Variants in GALNT13 observed in about 807,000 individuals in gnomAD.
GALNT13 encodes polypeptide N-acetylgalactosaminyltransferase 13.
Under a neutral mutation model 64.2 loss-of-function variants are expected in GALNT13, and 28 were observed. The observed-to-expected ratio is 0.44, with a 90% CI of 0.32 to 0.60. GALNT13 has a LOEUF of 0.60. Ranked by LOEUF, GALNT13 falls within the 20% of genes least tolerant of loss-of-function variation. GALNT13 has a pLI of 0.05. For missense variants in GALNT13, 577 were observed against 669.8 expected (o/e 0.86, Z 1.53); for synonymous variants, 214 against 224.6 (o/e 0.95, Z 0.42).
At chr2:154,298,537 T>TAA (rs1229214354) in intron 8 of GALNT13, among the ~76,000 whole-genome samples, 1 of 76,942 alleles carries the variant, frequency 1.3e-5, no homozygotes, top group Non-Finnish European at 2.4e-5. Context: ...AAATTGTATA[T>TAA]ATTTATATAT....
the GALNT13 span, among the ~76,000 whole-genome samples, chr2:153,600,068 C>G: frequency 2.0e-5 from 3 of 151,928 alleles, no homozygotes; most frequent in African/African-American, 7.2e-5. Flanking sequence ...AAACTCTGCC[C>G]TAGTTACTAA....
chr2:154,124,941 G>T (rs1322560963), intron 3 of GALNT13, among the ~76,000 whole-genome samples: 1 of 152,188 alleles, frequency 6.6e-6, no homozygotes, highest in East Asian at 1.9e-4. Flanking sequence ...GAGAGATTTT[G>T]AACATTTAGT....
At chr2:154,183,899 T>A (rs1686104884) in intron 4 of GALNT13, among the ~76,000 whole-genome samples, 2 of 152,098 alleles carry the variant, frequency 1.3e-5, no homozygotes, top group Non-Finnish European at 2.9e-5. Context: ...TTCTAGTTCT[T>A]TGAAATGGAA....
At chr2:153,398,191 C>T in the GALNT13 span, among the ~76,000 whole-genome samples, 26 of 151,366 alleles carry the variant, frequency 1.7e-4, no homozygotes, top group East Asian at 7.8e-4. Flanking sequence ...TTTGTTCTTG[C>T]GATAGTTTAC....
the GALNT13 span, among the ~76,000 whole-genome samples, chr2:153,509,087 G>C: frequency 1.3e-5 from 2 of 152,208 alleles, no homozygotes; most frequent in African/African-American, 4.8e-5. Context: ...TGTGGTTATA[G>C]AAACGTGATT....
At chr2:153,436,123 A>G in the GALNT13 span, among the ~76,000 whole-genome samples, 89 of 152,238 alleles carry the variant, frequency 5.8e-4, no homozygotes, top group South Asian at 1.4e-3. Flanking sequence ...TATATGCTGG[A>G]TTATGTTTAT....
chr2:154,250,272 A>G (rs1275683270), intron 7 of GALNT13, among the ~76,000 whole-genome samples: 2 of 152,202 alleles, frequency 1.3e-5, no homozygotes, highest in East Asian at 3.9e-4. Context: ...AACACCAATG[A>G]GCCATCTCTT....
chr2:153,693,286 A>G, the GALNT13 span, among the ~76,000 whole-genome samples: 1 of 152,214 alleles, frequency 6.6e-6, no homozygotes, highest in South Asian at 2.1e-4. Context: ...GAGAAAAGTC[A>G]TGGCTGCTTC....
chr2:153,085,116 T>C, the GALNT13 span, among the ~76,000 whole-genome samples: 1 of 152,190 alleles, frequency 6.6e-6, no homozygotes, highest in African/African-American at 2.4e-5. Flanking sequence ...ATTTTTTCCC[T>C]GCCCTAGAGT....
At chr2:153,471,912 T>C in the GALNT13 span, among the ~76,000 whole-genome samples, 4 of 152,296 alleles carry the variant, frequency 2.6e-5, no homozygotes, top group South Asian at 6.2e-4. Flanking sequence ...AAACAAAGAA[T>C]TGGGGAATGT....
At chr2:154,204,928 T>C (rs1177283813) in intron 4 of GALNT13, among the ~76,000 whole-genome samples, 1 of 152,214 alleles carries the variant, frequency 6.6e-6, no homozygotes, top group Non-Finnish European at 1.5e-5. Flanking sequence ...CATATGGTAA[T>C]TATTTATTTA....
intron 11 of GALNT13, among the ~76,000 whole-genome samples, chr2:154,419,644 A>G (rs1013601186): frequency 6.6e-6 from 1 of 152,166 alleles, no homozygotes; most frequent in Admixed American, 6.6e-5. Context: ...ATGAGCACAA[A>G]GTTGGTTATA....
the GALNT13 span, among the ~76,000 whole-genome samples, chr2:153,776,968 T>C: frequency 1.3e-5 from 2 of 152,378 alleles, no homozygotes; most frequent in African/African-American, 4.8e-5. Context: ...GGTTCTACCA[T>C]TTCTTGTCTT....
intron 3 of GALNT13, among the ~76,000 whole-genome samples, chr2:153,980,419 G>A (rs1694383252): frequency 6.6e-6 from 1 of 152,102 alleles, no homozygotes; most frequent in African/African-American, 2.4e-5. Flanking sequence ...CATAATGGTA[G>A]CCTAAATAAA....
the GALNT13 span, among the ~76,000 whole-genome samples, chr2:153,464,107 C>A: frequency 5.3e-5 from 8 of 152,028 alleles, no homozygotes; most frequent in Non-Finnish European, 1.2e-4. Flanking sequence ...CAATCAGATC[C>A]CATTAGCTGG....
the GALNT13 span, among the ~76,000 whole-genome samples, chr2:153,406,970 TAA>T: frequency 3.9e-5 from 6 of 152,162 alleles, no homozygotes; most frequent in African/African-American, 1.4e-4. Context: ...AATTGAAACA[TAA>T]GTCTGATCTT....
the GALNT13 span, among the ~76,000 whole-genome samples, chr2:153,142,535 C>A: frequency 5.3e-5 from 8 of 151,704 alleles, no homozygotes; most frequent in Admixed American, 1.3e-4. Flanking sequence ...ATCTTTTAGC[C>A]CAATACCTGG....
At chr2:153,078,131 T>C in the GALNT13 span, among the ~76,000 whole-genome samples, 1 of 152,132 alleles carries the variant, frequency 6.6e-6, no homozygotes, top group Non-Finnish European at 1.5e-5. Flanking sequence ...TCTTTTTCTT[T>C]GGTTATTATT....
chr2:154,173,342 T>A (rs1406067593), intron 4 of GALNT13, among the ~76,000 whole-genome samples: 10 of 151,718 alleles, frequency 6.6e-5, no homozygotes, highest in East Asian at 5.8e-4. Flanking sequence ...TTTGATTTTT[T>A]AATTAAATTT....
Sources: allele counts gnomAD v4.1 joint callset (sites outside exome capture counted in the v4.1 genomes callset), GRCh38; gene constraint gnomAD v4.1.1; transcripts MANE v1.5; gene names NCBI Gene and HGNC (gene_info 2026-07-23, HGNC 2026-07-21).